Variants in COL24A1 observed in about 807,000 individuals in gnomAD.
COL24A1 encodes collagen alpha-1(XXIV) chain.
A neutral mutation model predicts 253.9 loss-of-function variants in COL24A1; 224 were observed. The ratio of observed to expected loss-of-function variants is 0.88; its 90% CI spans 0.79 to 0.99. The LOEUF (loss-of-function observed/expected upper bound fraction) is 0.99, where lower values mean the gene tolerates loss of function less well. Among genes scored for constraint, COL24A1 ranks in the 50% least tolerant of loss-of-function variants. The pLI is 0.00. For missense variants in COL24A1, 2,131 were observed against 2,068.5 expected (o/e 1.03, Z -0.59); for synonymous variants, 685 against 673.7 (o/e 1.02, Z -0.26).
At position 85,734,883 on chromosome 1, in the gene COL24A1, A is replaced by G; in HGVS notation, c.4864T>C (p.Cys1622Arg). 1.2e-6 allele frequency: 2 copies of G among 1,614,224 alleles called. No homozygotes were observed. Among genetic ancestry groups the G allele is most frequent in the African/African-American group, 1.3e-5 (1 of 75,050 alleles). Residue 1622 changes from cysteine (C) to arginine (R), a missense_variant, in exon 59 of 60, where the codon TGT becomes CGT. Cys to Arg is a radical substitution (Grantham distance 180, BLOSUM62 -3). Transcript: ENST00000370571. ...CTTGTCCACCTTGGGGTGTTTAGACAGTGAATGGTGATGATATGGGTGGCT... is the reference window on the plus strand; with the variant it reads ...CTTGTCCACCTTGGGGTGTTTAGACGGTGAATGGTGATGATATGGGTGGCT... Reference protein sequence around the residue: ...SEATHIITIHCLNTPRWTSTQ... With the variant: ...SEATHIITIHRLNTPRWTSTQ...
chr1:86,048,969 G>C (rs969282923), intron 11 of COL24A1, among the ~76,000 whole-genome samples: 1 of 152,138 alleles, frequency 6.6e-6, no homozygotes, highest in African/African-American at 2.4e-5. Flanking sequence ...TCATGTCAAA[G>C]GATCAGAAAA....
rs994214692 is a variant in COL24A1, at chr1:86,138,520, A to G, written c.121+7599T>C. On this transcript the variant is annotated intron_variant, in intron 2 of 59. Transcript: ENST00000370571. ...TTTCTCGCAATAGTGAATGGGTTTC[A>G]CTAGATCTGATGGTTTTTTAAGGGG... Among the ~76,000 whole-genome samples the G allele has an allele frequency of 7.9e-5, 12 of 152,178 alleles. 1 individual carries two copies. In the South Asian group the frequency reaches 8.3e-4, roughly 11 times the overall value.
At chr1:85,899,022 A>G (rs1684028549) in intron 28 of COL24A1, among the ~76,000 whole-genome samples, 1 of 152,214 alleles carries the variant, frequency 6.6e-6, no homozygotes, top group Admixed American at 6.5e-5. Context: ...GAGTAGCCGA[A>G]GATGAAAAAA....
intron 19 of COL24A1, among the ~76,000 whole-genome samples, chr1:85,999,855 T>C (rs1298161894): frequency 6.6e-6 from 1 of 152,038 alleles, no homozygotes; most frequent in African/African-American, 2.4e-5. Flanking sequence ...GGTCTCATAG[T>C]TTTTCACAAC....
In COL24A1 at chr1:85,910,028, A is replaced by C. The variant is rs747918953; in HGVS notation, c.2617-25T>G. 1.1e-5 allele frequency: 17 copies of C among 1,587,650 alleles called. No individual in the cohort carries two copies. The South Asian group carries it at 1.7e-4, about 16-fold the overall frequency. ...CCTTTTAAGAGAACAAAGAAAAAAG[A>C]GTAACATAGAGGCATATTAATTAGT... On this transcript the variant is annotated intron_variant, in intron 25 of 59. Coordinates refer to ENST00000370571, the MANE Select transcript of COL24A1 (RefSeq NM_152890.7).
At chr1:85,781,576 A>C (rs12563024) in intron 51 of COL24A1, among the ~76,000 whole-genome samples, 10,884 of 152,232 alleles carry the variant, frequency 0.071, 497 homozygotes, top group East Asian at 0.22. Context: ...TGTATGTTAT[A>C]TAACAAATAA....
At chr1:86,010,142 T>C (rs1332791395) in intron 19 of COL24A1, among the ~76,000 whole-genome samples, 1 of 152,074 alleles carries the variant, frequency 6.6e-6, no homozygotes, top group Admixed American at 6.5e-5. Context: ...GGTGATTTCT[T>C]TAAAATCTGG....
chr1:86,150,566 C>T (rs1203016433), intron 1 of COL24A1, among the ~76,000 whole-genome samples: 2 of 151,976 alleles, frequency 1.3e-5, no homozygotes, highest in Admixed American at 1.3e-4. Flanking sequence ...TGGTAGCCTT[C>T]TTCTTTTTTT....
At chr1:85,914,967 T>C (rs1571201412) in intron 24 of COL24A1, among the ~76,000 whole-genome samples, 1 of 152,132 alleles carries the variant, frequency 6.6e-6, no homozygotes, top group African/African-American at 2.4e-5. Context: ...AACTTGACAA[T>C]GGGGAGGGCT....
intron 47 of COL24A1, among the ~76,000 whole-genome samples, chr1:85,802,375 T>TC (rs1671524136): frequency 6.6e-6 from 1 of 152,156 alleles, no homozygotes; most frequent in Non-Finnish European, 1.5e-5. Flanking sequence ...TTTTGATTCT[T>TC]TAAGCACATC....
chr1:85,941,356 C>T (rs951624081), intron 24 of COL24A1, among the ~76,000 whole-genome samples: 4 of 152,032 alleles, frequency 2.6e-5, no homozygotes, highest in Non-Finnish European at 4.4e-5. Context: ...ATCACTCTAA[C>T]TACAAATGAG....
intron 43 of COL24A1, among the ~76,000 whole-genome samples, chr1:85,835,479 T>C (rs1322801822): frequency 6.6e-6 from 1 of 152,154 alleles, no homozygotes; most frequent in Non-Finnish European, 1.5e-5. Context: ...ATAAAGTATG[T>C]CAGTACAACT....
chr1:86,136,662 T>C (rs1193166466), intron 2 of COL24A1, among the ~76,000 whole-genome samples: 1 of 152,034 alleles, frequency 6.6e-6, no homozygotes, highest in Non-Finnish European at 1.5e-5. Flanking sequence ...CCAATCAATA[T>C]GGCTTTAAGG....
At chr1:85,989,747 C>T (rs1312991342) in intron 19 of COL24A1, among the ~76,000 whole-genome samples, 3 of 152,190 alleles carry the variant, frequency 2.0e-5, no homozygotes, top group Admixed American at 1.3e-4. Context: ...TATATACTCT[C>T]TTTCAATTCT....
At chr1:85,909,074 T>C (rs1039900195) in intron 26 of COL24A1, among the ~76,000 whole-genome samples, 2 of 151,716 alleles carry the variant, frequency 1.3e-5, no homozygotes, top group Non-Finnish European at 3.0e-5. Flanking sequence ...AATGTAAATG[T>C]GTACAAATAT....
rs773251375 is a variant in COL24A1 at position 85,847,688 on chromosome 1, C to T, written c.3439G>A (p.Ala1147Thr). The change falls in exon 39 of 60, where the codon GCC becomes ACC. Residue 1147 changes from alanine to threonine, a missense_variant. Coordinates refer to ENST00000370571, the MANE Select transcript of COL24A1 (RefSeq NM_152890.7). ...GKIGKSGPKG[A>T]RGTRGAVGHL... ...ACCACAGCACCTCTAGTTCCTCTGG[C>T]ACCCTTAGGACCACTTTTCCCAATT... 2 of 1,613,496 alleles carry T rather than the reference C, an allele frequency of 1.2e-6. No individual in the cohort carries two copies. Among genetic ancestry groups the T allele is most frequent in the South Asian group, 2.2e-5 (2 of 90,972 alleles).
At chr1:85,776,785 G>A (rs1260658859) in intron 52 of COL24A1, among the ~76,000 whole-genome samples, 1 of 151,952 alleles carries the variant, frequency 6.6e-6, no homozygotes, top group African/African-American at 2.4e-5. Context: ...CTGCAAAAAT[G>A]GAAGTGTACA....
intron 22 of COL24A1, among the ~76,000 whole-genome samples, chr1:85,969,996 A>C (rs1284921371): frequency 6.6e-6 from 1 of 152,214 alleles, no homozygotes; most frequent in Non-Finnish European, 1.5e-5. Flanking sequence ...CAAATTACTA[A>C]GTCTACAGAC....
chr1:85,736,712 T>A (rs139925374), intron 58 of COL24A1, among the ~76,000 whole-genome samples: 23 of 152,330 alleles, frequency 1.5e-4, no homozygotes, highest in Admixed American at 1.4e-3. Flanking sequence ...GTATCAGTTC[T>A]TTGTCAATGA....
Sources: gnomAD v4.1 joint callset for allele counts (sites outside exome capture counted in the v4.1 genomes callset) on GRCh38, gnomAD v4.1.1 for gene constraint, MANE v1.5 for transcripts, NCBI Gene and HGNC (gene_info 2026-07-23, HGNC 2026-07-21) for gene names.